PTBP3: variants seen among roughly 807,000 people sequenced by gnomAD.
The protein encoded by PTBP3 is polypyrimidine tract-binding protein 3.
A neutral mutation model predicts 58.7 loss-of-function variants in PTBP3; 20 were observed. The ratio of observed to expected loss-of-function variants is 0.34; its 90% confidence interval spans 0.24 to 0.50. The LOEUF (loss-of-function observed/expected upper bound fraction) is 0.50, where lower values mean the gene tolerates loss of function less well. Among genes scored for constraint, PTBP3 ranks in the 20% least tolerant of loss-of-function variants. The pLI is 0.98. For missense variants in PTBP3, 509 were observed against 637.2 expected (o/e 0.80, Z 2.17); for synonymous variants, 185 against 219.8 (o/e 0.84, Z 1.40).
At chr9:112,255,222 G>C (rs1372802948) in intron 5 of PTBP3, among the ~76,000 whole-genome samples, 4 of 152,162 alleles carry the variant, frequency 2.6e-5, no homozygotes, top group Non-Finnish European at 5.9e-5. Context: ...GATGAATAAA[G>C]AGTTCCGTTT....
intron 1 of PTBP3, among the ~76,000 whole-genome samples, chr9:112,326,282 C>T (rs1455941488): frequency 6.6e-6 from 1 of 152,180 alleles, no homozygotes; most frequent in South Asian, 2.1e-4. Context: ...TCCTATAGCT[C>T]AAGCACAGCA....
intron 1 of PTBP3, among the ~76,000 whole-genome samples, chr9:112,307,091 C>T (rs1288346219): frequency 6.6e-6 from 1 of 152,048 alleles, no homozygotes; most frequent in African/African-American, 2.4e-5. Flanking sequence ...GTAAAGGGGA[C>T]CCTAGTATCA....
intron 8 of PTBP3, 41 bp downstream of exon 8, chr9:112,234,779 C>G (rs1835376891): frequency 1.3e-6 from 2 of 1,541,392 alleles, no homozygotes; most frequent in Non-Finnish European, 1.8e-6. Context: ...AAATATACAA[C>G]TTCATTAAAA....
chr9:112,278,564 G>A (rs1037162923), intron 2 of PTBP3, among the ~76,000 whole-genome samples: 44 of 152,100 alleles, frequency 2.9e-4, no homozygotes, highest in African/African-American at 9.2e-4. Flanking sequence ...TGCGAATACC[G>A]AACAAGTTAC....
chr9:112,289,864 C>A (rs1022514275), intron 2 of PTBP3, among the ~76,000 whole-genome samples: 3 of 152,138 alleles, frequency 2.0e-5, no homozygotes, highest in African/African-American at 7.2e-5. Flanking sequence ...ATATTATTAA[C>A]CCATATCATT....
chr9:112,352,333 T>C, the PTBP3 span, among the ~76,000 whole-genome samples: 1 of 152,114 alleles, frequency 6.6e-6, no homozygotes, highest in Non-Finnish European at 1.5e-5. Context: ...AGTTTGAGAG[T>C]GTCAGGAGGT....
In PTBP3 at chr9:112,244,386, CA is replaced by C. The variant is rs1244794247; in HGVS notation, c.802+6542del. Among the ~76,000 whole-genome samples the C allele has an allele frequency of 2.0e-5, 3 of 149,210 alleles. No homozygotes were observed. The East Asian group carries it at 6.0e-4, about 30-fold the overall frequency. ...ACCCAACTTTACTGAGAGACATGAA[CA>C]AACATCCAGGCTGCAGTGGCTCACG... is the stretch of plus-strand genomic sequence containing the variant. On this transcript the variant is annotated intron_variant, in intron 7 of 13. Coordinates refer to ENST00000374257, the MANE Select transcript of PTBP3 (RefSeq NM_001163788.4).
At chr9:112,361,708 C>A in the PTBP3 span, among the ~76,000 whole-genome samples, 1 of 152,176 alleles carries the variant, frequency 6.6e-6, no homozygotes, top group Admixed American at 6.5e-5. Flanking sequence ...GGTGGTGACT[C>A]TAAACATGTT....
At chr9:112,277,214 C>T (rs1353563641) in intron 2 of PTBP3, among the ~76,000 whole-genome samples, 3 of 152,158 alleles carry the variant, frequency 2.0e-5, no homozygotes, top group Non-Finnish European at 2.9e-5. Flanking sequence ...ATGCAAGCAG[C>T]ATCCTCCCCA....
At chr9:112,374,098 AAC>A in the PTBP3 span, among the ~76,000 whole-genome samples, 1 of 152,172 alleles carries the variant, frequency 6.6e-6, no homozygotes. Flanking sequence ...GGGGTATGGT[AAC>A]ACTGAGATGC....
chr9:112,244,251 C>A (rs1835779189), intron 7 of PTBP3, among the ~76,000 whole-genome samples: 1 of 115,742 alleles, frequency 8.6e-6, no homozygotes, highest in Non-Finnish European at 1.7e-5. Flanking sequence ...GATCATGACA[C>A]TGCACTCCAG....
At chr9:112,290,222 C>T (rs555097682) in intron 2 of PTBP3, among the ~76,000 whole-genome samples, 3 of 152,006 alleles carry the variant, frequency 2.0e-5, no homozygotes, top group African/African-American at 7.2e-5. Context: ...GCAAACAACC[C>T]AATAGAAGAA....
chr9:112,275,752 A>G (rs1342774596), intron 3 of PTBP3, 92 bp downstream of exon 3: 5 of 1,209,056 alleles, frequency 4.1e-6, no homozygotes, highest in Non-Finnish European at 5.6e-6. Flanking sequence ...ATGAAATTTT[A>G]AAAATACAGA....
At chr9:112,258,079 A>G (rs1448866594) in intron 5 of PTBP3, among the ~76,000 whole-genome samples, 1 of 152,146 alleles carries the variant, frequency 6.6e-6, no homozygotes, top group East Asian at 1.9e-4. Context: ...TCATATTACT[A>G]GGATTCTTTT....
intron 3 of PTBP3, among the ~76,000 whole-genome samples, chr9:112,270,928 G>C (rs547984000): frequency 6.6e-6 from 1 of 151,916 alleles, no homozygotes; most frequent in East Asian, 1.9e-4. Flanking sequence ...AGCAATCCGC[G>C]GCTCACTGCA....
At chr9:112,317,652 T>C (rs1313377758) in intron 1 of PTBP3, among the ~76,000 whole-genome samples, 3 of 151,964 alleles carry the variant, frequency 2.0e-5, no homozygotes, top group African/African-American at 7.3e-5. Flanking sequence ...AAAAGGATAG[T>C]AAGAAAACAT....
chr9:112,223,490 A>C lies in PTBP3; in HGVS notation c.*361T>G, dbSNP rs554004714. ...TGTGTTTAAATTTTTTAAAAGTACA[A>C]ATGAGTTTAGAAATGTTGTATAAGG... On this transcript the variant is annotated 3_prime_UTR_variant, in exon 14 of 14. Coordinates refer to ENST00000374257, the MANE Select transcript of PTBP3 (RefSeq NM_001163788.4). 2.2e-6 allele frequency: 2 copies of C among 916,358 alleles called. No homozygotes were observed. Among genetic ancestry groups the C allele is most frequent in the South Asian group, 9.5e-5 (2 of 21,074 alleles). The allele number at this position is 916,358 out of a possible 1,614,324, so 56.8% of individuals were successfully genotyped here.
At position 112,222,911 on chromosome 9, in the gene PTBP3, A is replaced by G. The variant is rs1834853613; in HGVS notation, c.*940T>C. On this transcript the variant is annotated 3_prime_UTR_variant, in exon 14 of 14. Coordinates refer to ENST00000374257, the MANE Select transcript of PTBP3 (RefSeq NM_001163788.4). ...TTTCTAAAAGAAGACCTTACCAAAA[A>G]TAACTTTTAAAAAATCTGTCAAACC... 1.1e-6 allele frequency: 1 copy of G among 878,476 alleles called. No homozygotes were observed. The highest frequency in any genetic ancestry group is 1.4e-6 in the Non-Finnish European group (1 of 732,352). 54.4% of individuals were successfully genotyped at this position (878,476 alleles called of 1,614,324 possible). A position where few individuals can be genotyped will look rare whatever the true frequency, so the allele number is the denominator to read the frequency against.
At chr9:112,276,055 T>C (rs41306473) in intron 2 of PTBP3, 42 bp from the exon 3 acceptor site, 26 of 1,552,476 alleles carry the variant, frequency 1.7e-5, no homozygotes, top group South Asian at 6.7e-5. Flanking sequence ...TGCAACTAAT[T>C]TGGGTTGACA....
Sources: gnomAD v4.1 joint callset for allele counts (sites outside exome capture counted in the v4.1 genomes callset) on GRCh38, gnomAD v4.1.1 for gene constraint, MANE v1.5 for transcripts, NCBI Gene and HGNC (gene_info 2026-07-23, HGNC 2026-07-21) for gene names.